NSD3: variants seen among roughly 807,000 people sequenced by gnomAD.
NSD3 encodes histone-lysine N-methyltransferase NSD3.
A neutral mutation model predicts 160.8 loss-of-function variants in NSD3; 24 were observed. The observed-to-expected ratio is 0.15, with a 90% CI of 0.11 to 0.21. The LOEUF is 0.21. NSD3 is among the 10% of genes least tolerant of loss of function. The pLI, the probability that NSD3 is intolerant of heterozygous loss-of-function variation, is 1.00. For missense variants in NSD3, 1,157 were observed against 1,735.9 expected (o/e 0.67, Z 5.93); for synonymous variants, 520 against 600.0 (o/e 0.87, Z 1.95).
At position 38,348,804 on chromosome 8, in the gene NSD3, G is replaced by A. The variant is rs538386828; in HGVS notation, c.-44-589C>T. On this transcript the variant is annotated intron_variant, in intron 1 of 23. Transcript: ENST00000317025. ...AGCCTCCCCAGTAGCTGGGACTCAG[G>A]CATGCACCACCACGCCCAGCTAATT... 8.5e-5 allele frequency among the ~76,000 whole-genome samples: 13 copies of A among 152,108 alleles called. No individual in the cohort carries two copies. The East Asian group carries it at 1.9e-3, about 23-fold the overall frequency.
At chr8:38,323,157 C>T (rs955880873) in intron 7 of NSD3, among the ~76,000 whole-genome samples, 3 of 152,124 alleles carry the variant, frequency 2.0e-5, no homozygotes, top group Non-Finnish European at 2.9e-5. Context: ...AGGGTTCAAG[C>T]GATTCTCCTG....
chr8:38,276,230 T>C, intron 23 of NSD3, 66 bp downstream of exon 23: 3 of 1,518,180 alleles, frequency 2.0e-6, no homozygotes, highest in Non-Finnish European at 2.7e-6. Flanking sequence ...GCATGGAATA[T>C]ATTGTGAGTT....
intron 14 of NSD3, 102 bp from the exon 15 acceptor site, chr8:38,299,692 G>A: frequency 8.3e-7 from 1 of 1,199,180 alleles, no homozygotes. Context: ...CAAAGCTGGG[G>A]TGGGGAGGGC....
intron 2 of NSD3, 80 bp downstream of exon 2, chr8:38,347,417 G>C (rs1192016466): frequency 6.9e-7 from 1 of 1,459,822 alleles, no homozygotes. Flanking sequence ...TATTTAAAGA[G>C]ATAAAAACCA....
intron 21 of NSD3, 103 bp downstream of exon 21, chr8:38,279,436 TA>T: frequency 7.5e-7 from 1 of 1,335,326 alleles, no homozygotes; most frequent in Admixed American, 2.3e-5. Context: ...TCCTCTTATT[TA>T]AATAAGTTCT....
At chr8:38,362,457 T>A (rs904652783) in intron 1 of NSD3, among the ~76,000 whole-genome samples, 16 of 151,888 alleles carry the variant, frequency 1.1e-4, no homozygotes, top group African/African-American at 3.6e-4. Context: ...AGAAAAAAAA[T>A]TTGCCCCAAT....
Position 38,290,558 on chromosome 8 carries a change from T to C in NSD3, c.3035A>G (p.His1012Arg), listed in dbSNP as rs1808978992. 9 of 1,614,182 alleles carry C rather than the reference T, an allele frequency of 5.6e-6. No individual in the cohort carries two copies. Among genetic ancestry groups the C allele is most frequent in the Non-Finnish European group, 7.6e-6 (9 of 1,180,020 alleles). ...AACATAAGGGAACACTCTGCCCTGG[T>C]GTACCCAGTAGTAGTCATGAGAACC... ...FFGSHDYYWV[H>R]QGRVFPYVEG... Residue 1012 changes from histidine to arginine, a missense_variant, in exon 17 of 24, where the codon CAC becomes CGC. Physicochemically the swap from His to Arg is conservative, Grantham distance 29. Transcript: ENST00000317025.
intron 2 of NSD3, among the ~76,000 whole-genome samples, chr8:38,344,961 A>C (rs1234875768): frequency 6.6e-6 from 1 of 152,172 alleles, no homozygotes; most frequent in African/African-American, 2.4e-5. Flanking sequence ...TGTTCAAGTT[A>C]AGGAAATCTA....
intron 1 of NSD3, among the ~76,000 whole-genome samples, chr8:38,357,783 A>T (rs1810861216): frequency 6.6e-6 from 1 of 152,194 alleles, no homozygotes; most frequent in African/African-American, 2.4e-5. Context: ...TTTAAACTAA[A>T]CTACATAAAC....
In NSD3 at chr8:38,316,350, T is replaced by C; in HGVS notation, c.1856-308A>G. On this transcript the variant is annotated intron_variant, in intron 9 of 23. Transcript: ENST00000317025. This position sits in a 1 kb window ranked among gnomAD's most constrained non-coding sequence, Gnocchi z 4.5. Reference sequence around the variant, plus strand: ...TCTATGAAAATTGCAGGATAGCTGATGGATTTGGAGCAATTCAAAGAACCA... The same window carrying C: ...TCTATGAAAATTGCAGGATAGCTGACGGATTTGGAGCAATTCAAAGAACCA... The C allele has an allele frequency of 2.7e-6, 3 of 1,097,550 alleles. No homozygotes were observed. The highest frequency in any genetic ancestry group is 3.4e-6 in the Non-Finnish European group (3 of 892,654). 68.0% of individuals were successfully genotyped at this position (1,097,550 alleles called of 1,614,324 possible).
intron 1 of NSD3, chr8:38,380,756 G>C (rs1413808652): frequency 6.6e-6 from 1 of 152,150 alleles, no homozygotes; most frequent in South Asian, 2.1e-4. Context: ...TGAATAGAAA[G>C]AAAGGGGGCT....
chr8:38,292,731 G>C (rs763596520), intron 16 of NSD3, among the ~76,000 whole-genome samples: 11 of 152,156 alleles, frequency 7.2e-5, no homozygotes, highest in Non-Finnish European at 1.5e-4. Context: ...AGAGCTTGCA[G>C]TGAGCCAAGA....
At chr8:38,311,192 G>A (rs1187221823) in intron 12 of NSD3, among the ~76,000 whole-genome samples, 3 of 151,630 alleles carry the variant, frequency 2.0e-5, no homozygotes, top group African/African-American at 7.3e-5. Flanking sequence ...TAGGATTACA[G>A]GCATGAGCCA....
Position 38,290,730 on chromosome 8 carries a change from A to G in NSD3, c.2916-53T>C, listed in dbSNP as rs1808982563. On this transcript the variant is annotated intron_variant, in intron 16 of 23. Coordinates refer to ENST00000317025, the MANE Select transcript of NSD3 (RefSeq NM_023034.2). ...GAGGGCAAAAACGAAACAAAAAACCACTATTTACAAGATTGGCAGAAGGGA... is the reference window on the plus strand; with the variant it reads ...GAGGGCAAAAACGAAACAAAAAACCGCTATTTACAAGATTGGCAGAAGGGA... 1.9e-5 allele frequency: 30 copies of G among 1,587,006 alleles called. No individual in the cohort carries two copies. The South Asian group carries it at 3.4e-4, about 18-fold the overall frequency.
rs1400852101 is a variant in NSD3, at chr8:38,329,311, T to A, written c.1581+67A>T. The A allele has an allele frequency of 6.5e-7, 1 of 1,528,592 alleles. No homozygotes were observed. The highest frequency in any genetic ancestry group is 1.4e-5 in the African/African-American group (1 of 71,824). The allele number at this position is 1,528,592 out of a possible 1,614,324, so 94.7% of individuals were successfully genotyped here. On this transcript the variant is annotated intron_variant, in intron 6 of 23. Transcript: ENST00000317025. This position sits in a 1 kb window ranked among gnomAD's most constrained non-coding sequence, Gnocchi z 4.8. ...TTTAAATTATGCCAAGGTCATTGTT[T>A]TAAATGCCAAGGTTGACCACTTTTA...
chr8:38,300,167 A>G (rs1276068156), intron 14 of NSD3, among the ~76,000 whole-genome samples: 3 of 134,586 alleles, frequency 2.2e-5, no homozygotes, highest in Non-Finnish European at 5.2e-5. Context: ...TTTATATTAT[A>G]TATATATTTT....
At chr8:38,295,553 C>T (rs1209193186) in intron 16 of NSD3, among the ~76,000 whole-genome samples, 1 of 151,998 alleles carries the variant, frequency 6.6e-6, no homozygotes, top group Non-Finnish European at 1.5e-5. Flanking sequence ...GCCAAACCGC[C>T]TCACAAACAA....
intron 12 of NSD3, among the ~76,000 whole-genome samples, chr8:38,307,881 T>G (rs1024768041): frequency 7.9e-5 from 12 of 152,148 alleles, no homozygotes; most frequent in Non-Finnish European, 1.5e-5. Flanking sequence ...AGAAATAAAT[T>G]TAAAATATTA....
intron 7 of NSD3, among the ~76,000 whole-genome samples, chr8:38,325,278 G>A (rs1168486281): frequency 6.6e-6 from 1 of 152,104 alleles, no homozygotes; most frequent in African/African-American, 2.4e-5. Context: ...TGGTCAGTGT[G>A]GGAAAACAAA....
Sources: allele counts gnomAD v4.1 joint callset (sites outside exome capture counted in the v4.1 genomes callset), GRCh38; gene constraint gnomAD v4.1.1; non-coding constraint Gnocchi (gnomAD v3.1); transcripts MANE v1.5; gene names NCBI Gene and HGNC (gene_info 2026-07-23, HGNC 2026-07-21).